WWC2: variants seen among roughly 807,000 people sequenced by gnomAD.
WWC2 encodes protein WWC2.
A neutral mutation model predicts 138.5 loss-of-function variants in WWC2; 101 were observed. The observed-to-expected ratio is 0.73, with a 90% confidence interval of 0.62 to 0.86. The LOEUF (loss-of-function observed/expected upper bound fraction) is 0.86, where lower values mean the gene tolerates loss of function less well. Ranked by LOEUF, WWC2 falls within the 40% of genes least tolerant of loss-of-function variation. WWC2 has a pLI of 0.00. For synonymous variants in WWC2, 558 were observed against 538.4 expected (o/e 1.04, Z -0.50); for missense variants, 1,420 against 1,419.4 (o/e 1.00, Z -0.01).
intron 9 of WWC2, among the ~76,000 whole-genome samples, chr4:183,256,749 C>G (rs775910140): frequency 5.3e-5 from 8 of 152,166 alleles, no homozygotes; most frequent in Non-Finnish European, 8.8e-5. Context: ...CCAACATATT[C>G]CTGTTTTCCA....
rs765818314 is a variant in WWC2 at position 183,284,333 on chromosome 4, T to A, written c.2991T>A (p.Ser997Arg). The change falls in exon 19 of 23, where the codon AGT becomes AGA. Residue 997 changes from serine (S) to arginine (R), a missense_variant. Coordinates refer to ENST00000403733, the MANE Select transcript of WWC2 (RefSeq NM_024949.6). ...SSRQHPFVRS[S>R]VIVRSQTFSP... ...GACAGCATCCGTTTGTGAGGAGCAGTGTGATAGTGCGCTCACAGACCTTTT... is the reference window on the plus strand; with the variant it reads ...GACAGCATCCGTTTGTGAGGAGCAGAGTGATAGTGCGCTCACAGACCTTTT... 3.6e-5 allele frequency: 58 copies of A among 1,613,798 alleles called. No homozygotes were observed. Among genetic ancestry groups the A allele is most frequent in the Non-Finnish European group, 4.7e-5 (56 of 1,179,884 alleles).
intron 16 of WWC2, among the ~76,000 whole-genome samples, chr4:183,279,079 A>G (rs1194990959): frequency 6.6e-6 from 1 of 152,116 alleles, no homozygotes; most frequent in South Asian, 2.1e-4. Flanking sequence ...GAATGCTTCC[A>G]GTTCTTGCCC....
chr4:183,295,418 C>T (rs2111088231), intron 21 of WWC2, among the ~76,000 whole-genome samples: 1 of 152,308 alleles, frequency 6.6e-6, no homozygotes, highest in South Asian at 2.1e-4. Flanking sequence ...GTGAATAGAT[C>T]AATACAGCCT....
intron 8 of WWC2, 61 bp downstream of exon 8, chr4:183,250,054 T>C (rs1736926496): frequency 2.7e-6 from 4 of 1,487,678 alleles, no homozygotes; most frequent in Non-Finnish European, 3.7e-6. Flanking sequence ...GAATTAATCT[T>C]TACTCCTGTG....
At chr4:183,260,683 T>C (rs1443708493) in intron 10 of WWC2, among the ~76,000 whole-genome samples, 3 of 152,224 alleles carry the variant, frequency 2.0e-5, no homozygotes, top group Non-Finnish European at 4.4e-5. Flanking sequence ...AAGTACACTC[T>C]GTGATGTTTG....
Position 183,282,920 on chromosome 4 carries a change from T to C in WWC2, c.2883+14T>C. On this transcript the variant is annotated intron_variant, in intron 18 of 22. Coordinates refer to ENST00000403733, the MANE Select transcript of WWC2 (RefSeq NM_024949.6). ...ATACCAACACTGGTGACTATTCCGCTGTGCTGTCTTAAAACTGATACCTTA... is the reference window on the plus strand; with the variant it reads ...ATACCAACACTGGTGACTATTCCGCCGTGCTGTCTTAAAACTGATACCTTA... 6.4e-7 allele frequency: 1 copy of C among 1,561,280 alleles called. No individual in the cohort carries two copies. The highest frequency in any genetic ancestry group is 8.7e-7 in the Non-Finnish European group (1 of 1,152,386).
At chr4:183,220,031 G>A (rs1164352295) in intron 4 of WWC2, among the ~76,000 whole-genome samples, 3 of 152,202 alleles carry the variant, frequency 2.0e-5, no homozygotes, top group Non-Finnish European at 2.9e-5. Context: ...CAAAGCATAA[G>A]AGGGTTTAAA....
intron 12 of WWC2, among the ~76,000 whole-genome samples, chr4:183,265,410 C>T (rs992604798): frequency 1.6e-4 from 25 of 152,158 alleles, no homozygotes; most frequent in Admixed American, 1.0e-3. Context: ...AAGCTTCTCA[C>T]GTGTATTTCT....
chr4:183,112,152 A>G (rs1414519528), intron 1 of WWC2, among the ~76,000 whole-genome samples: 1 of 152,202 alleles, frequency 6.6e-6, no homozygotes. Flanking sequence ...GCTATTGTAG[A>G]TTGAAAGACT....
At chr4:183,263,102 G>C (rs749421534) in intron 11 of WWC2, among the ~76,000 whole-genome samples, 3 of 152,176 alleles carry the variant, frequency 2.0e-5, no homozygotes, top group Non-Finnish European at 4.4e-5. Flanking sequence ...TGTAAACCAT[G>C]GAAAGCTATG....
chr4:183,225,241 CA>C (rs1395245701), intron 4 of WWC2, among the ~76,000 whole-genome samples: 2 of 152,088 alleles, frequency 1.3e-5, no homozygotes, highest in Non-Finnish European at 2.9e-5. Flanking sequence ...CATACATTAC[CA>C]GTAATTACAA....
chr4:183,219,676 G>A (rs1735867799), intron 4 of WWC2, among the ~76,000 whole-genome samples: 1 of 152,180 alleles, frequency 6.6e-6, no homozygotes, highest in Non-Finnish European at 1.5e-5. Flanking sequence ...TATTCATAAA[G>A]TAGTGACTTT....
chr4:183,299,133 T>A (rs1436772479), intron 21 of WWC2, among the ~76,000 whole-genome samples: 1 of 152,180 alleles, frequency 6.6e-6, no homozygotes, highest in Non-Finnish European at 1.5e-5. Flanking sequence ...CCCTTCTTGC[T>A]GTGTCATCCC....
intron 9 of WWC2, among the ~76,000 whole-genome samples, chr4:183,258,595 G>A (rs754604714): frequency 6.6e-6 from 1 of 152,176 alleles, no homozygotes; most frequent in Non-Finnish European, 1.5e-5. Flanking sequence ...GAACAAGTCA[G>A]ATTTGTTTTT....
At chr4:183,178,417 TA>T in intron 1 of WWC2, among the ~76,000 whole-genome samples, 2 of 148,738 alleles carry the variant, frequency 1.3e-5, no homozygotes, top group South Asian at 2.1e-4. Flanking sequence ...AATAAATAAA[TA>T]AATTTAAAAA....
intron 1 of WWC2, among the ~76,000 whole-genome samples, chr4:183,176,688 G>A (rs1734477382): frequency 6.6e-6 from 1 of 152,164 alleles, no homozygotes; most frequent in African/African-American, 2.4e-5. Flanking sequence ...TCACCAAAGT[G>A]CTGGGATTAC....
chr4:183,116,534 C>T (rs1166551061), intron 1 of WWC2, among the ~76,000 whole-genome samples: 2 of 152,240 alleles, frequency 1.3e-5, no homozygotes, highest in Non-Finnish European at 2.9e-5. Context: ...GTCTGACTTC[C>T]AAGCTGTACA....
intron 4 of WWC2, among the ~76,000 whole-genome samples, chr4:183,218,951 A>T (rs1735843777): frequency 1.3e-5 from 2 of 152,240 alleles, no homozygotes; most frequent in Non-Finnish European, 2.9e-5. Context: ...CTATGTGTCC[A>T]TCACAGGTAA....
chr4:183,271,276 G>C, intron 16 of WWC2, 35 bp downstream of exon 16: 2 of 1,551,962 alleles, frequency 1.3e-6, no homozygotes, highest in Admixed American at 3.8e-5. Context: ...TGAAAGTAAT[G>C]TGAAATACAT....
Sources: gnomAD v4.1 joint callset for allele counts (sites outside exome capture counted in the v4.1 genomes callset) on GRCh38, gnomAD v4.1.1 for gene constraint, MANE v1.5 for transcripts, NCBI Gene and HGNC (gene_info 2026-07-23, HGNC 2026-07-21) for gene names.